The following KLHL28 variants were observed in gnomAD, a reference collection of about 807,000 sequenced individuals.
KLHL28 encodes kelch like family member 28.
A neutral mutation model predicts 48.3 loss-of-function variants in KLHL28; 22 were observed. That is an observed-to-expected ratio of 0.46 (90% CI 0.33 to 0.65). The LOEUF (loss-of-function observed/expected upper bound fraction) is 0.65, where lower values mean the gene tolerates loss of function less well. Among genes scored for constraint, KLHL28 ranks in the 30% least tolerant of loss-of-function variants. The pLI is 0.03. For missense variants in KLHL28, 527 were observed against 704.3 expected (o/e 0.75, Z 2.85); for synonymous variants, 243 against 242.4 (o/e 1.00, Z -0.02).
At position 44,924,691 on chromosome 14, in the gene KLHL28, T is replaced by C. The variant is rs1883321679; in HGVS notation, c.*4337A>G. ...CAGCACAATTCATAAGGCAAAAATA[T>C]AGGCATTATCATCCAGTTCTTTAAC... On this transcript the variant is annotated 3_prime_UTR_variant, in exon 5 of 5. Transcript: ENST00000396128. The C allele has an allele frequency of 6.6e-6, 1 of 152,604 alleles. No individual in the cohort carries two copies. The highest frequency in any genetic ancestry group is 2.4e-5 in the African/African-American group (1 of 41,466). The allele number at this position is 152,604 out of a possible 1,614,324, so 9.5% of individuals were successfully genotyped here.
At chr14:44,960,311 G>A (rs1480757692) in intron 1 of KLHL28, among the ~76,000 whole-genome samples, 1 of 152,152 alleles carries the variant, frequency 6.6e-6, no homozygotes, top group Non-Finnish European at 1.5e-5. Flanking sequence ...GGCTTCCCAA[G>A]TTCTTGGATA....
Position 44,927,645 on chromosome 14 carries a change from G to A in KLHL28, c.*1383C>T, listed in dbSNP as rs1252118161. 2.0e-5 allele frequency: 3 copies of A among 152,540 alleles called. No individual in the cohort carries two copies. Among genetic ancestry groups the A allele is most frequent in the Non-Finnish European group, 1.5e-5 (1 of 67,990 alleles). 9.4% of individuals were successfully genotyped at this position (152,540 alleles called of 1,614,324 possible). A position where few individuals can be genotyped will look rare whatever the true frequency, so the allele number is the denominator to read the frequency against. ...TTTAAATAAGCTGTCACTGGCTACA[G>A]CAAACAATTTTGCTTTAAAAGATCA... On this transcript the variant is annotated 3_prime_UTR_variant, in exon 5 of 5. Coordinates refer to ENST00000396128, the MANE Select transcript of KLHL28 (RefSeq NM_017658.5).
In KLHL28 at chr14:44,945,272, C is replaced by G. The variant is rs765977060; in HGVS notation, c.657G>C (p.Gln219His). 1 of 1,614,150 alleles carries G rather than the reference C, an allele frequency of 6.2e-7. No individual in the cohort carries two copies. The highest frequency in any genetic ancestry group is 1.7e-5 in the Admixed American group (1 of 60,022). The change falls in exon 2 of 5, where the codon CAG becomes CAC. Residue 219 changes from glutamine to histidine, a missense_variant. Gln to His is a conservative substitution (Grantham distance 24). Coordinates refer to ENST00000396128, the MANE Select transcript of KLHL28 (RefSeq NM_017658.5). ...ATGGTAATCGTACACTGTTTAGTAA[C>G]TGTGCTAAGTATTTCTGGCGTTCTT... ...DVQERQKYLAQLLNSVRLPLL... is the reference protein window; with the variant it reads ...DVQERQKYLAHLLNSVRLPLL...
In KLHL28 at chr14:44,928,064, G is replaced by A. The variant is rs551567585; in HGVS notation, c.*964C>T. ...ATATCTCATACTGAACATCCAAAAGGACATCAGTTATAGCCTTGTTATAAA... is the reference window on the plus strand; with the variant it reads ...ATATCTCATACTGAACATCCAAAAGAACATCAGTTATAGCCTTGTTATAAA... On this transcript the variant is annotated 3_prime_UTR_variant, in exon 5 of 5. Coordinates refer to ENST00000396128, the MANE Select transcript of KLHL28 (RefSeq NM_017658.5). The A allele has an allele frequency of 6.6e-6, 1 of 152,632 alleles. No homozygotes were observed. The highest frequency in any genetic ancestry group is 2.4e-5 in the African/African-American group (1 of 41,542). 9.5% of individuals were successfully genotyped at this position (152,632 alleles called of 1,614,324 possible).
At chr14:44,930,118 G>C (rs540214072) in intron 4 of KLHL28, among the ~76,000 whole-genome samples, 1 of 152,118 alleles carries the variant, frequency 6.6e-6, no homozygotes, top group Non-Finnish European at 1.5e-5. Context: ...TTGTTTCTGT[G>C]GCTTTCCCTC....
At chr14:44,958,269 T>C (rs1333144336) in intron 1 of KLHL28, among the ~76,000 whole-genome samples, 3 of 152,096 alleles carry the variant, frequency 2.0e-5, no homozygotes, top group Non-Finnish European at 4.4e-5. Context: ...ACCTATCTAC[T>C]TAATTGACAC....
chr14:44,931,573 G>T, intron 3 of KLHL28, 32 bp from the exon 4 acceptor site: 2 of 1,532,342 alleles, frequency 1.3e-6, no homozygotes, highest in East Asian at 4.5e-5. Flanking sequence ...TTAATTTACA[G>T]ATCTTTTGTG....
Position 44,960,250 on chromosome 14 carries a change from G to A in KLHL28, c.-1+1596C>T, listed in dbSNP as rs138310983. 3.9e-3 allele frequency among the ~76,000 whole-genome samples: 593 copies of A among 152,310 alleles called. 3 individuals are homozygous for A. The highest frequency in any genetic ancestry group is 0.013 in the African/African-American group (561 of 41,558). The stretch of plus-strand genomic sequence containing the variant: ...ACGTCTCTCATTTAAGACTTTCGAA[G>A]TTCCTTTTCTGTGATTCCATGATTA... On this transcript the variant is annotated intron_variant, in intron 1 of 4. Coordinates refer to ENST00000396128, the MANE Select transcript of KLHL28 (RefSeq NM_017658.5).
rs1883438116 is a variant in KLHL28 at position 44,928,167 on chromosome 14, A to G, written c.*861T>C. 1.3e-5 allele frequency: 2 copies of G among 152,534 alleles called. No homozygotes were observed. Among genetic ancestry groups the G allele is most frequent in the South Asian group, 4.1e-4 (2 of 4,828 alleles). 9.4% of individuals were successfully genotyped at this position (152,534 alleles called of 1,614,324 possible). A position where few individuals can be genotyped will look rare whatever the true frequency, so the allele number is the denominator to read the frequency against. On this transcript the variant is annotated 3_prime_UTR_variant, in exon 5 of 5. Transcript: ENST00000396128. ...TAAAAAACTAAAATTATAAGGATATATAAAAAAATTAATATGCACTAAGAA... is the reference window on the plus strand; with the variant it reads ...TAAAAAACTAAAATTATAAGGATATGTAAAAAAATTAATATGCACTAAGAA...
intron 2 of KLHL28, among the ~76,000 whole-genome samples, chr14:44,941,085 G>A (rs1333426349): frequency 1.3e-5 from 2 of 150,724 alleles, no homozygotes; most frequent in Admixed American, 1.3e-4. Flanking sequence ...GGGCAACAAA[G>A]TGAGACACCT....
chr14:44,946,052 C>T, intron 1 of KLHL28, 124 bp from the exon 2 acceptor site: 1 of 738,846 alleles, frequency 1.4e-6, no homozygotes, highest in South Asian at 1.9e-5. Context: ...TTTTTAAATA[C>T]TTCATAGTAA....
chr14:44,953,432 T>C (rs1227243812), intron 1 of KLHL28, among the ~76,000 whole-genome samples: 1 of 152,254 alleles, frequency 6.6e-6, no homozygotes, highest in Non-Finnish European at 1.5e-5. Flanking sequence ...AAGAGGTAAC[T>C]GGCAGAGTCC....
rs1251633216 is a variant in KLHL28 at position 44,927,405 on chromosome 14, GAATAT to G, written c.*1618_*1622del. 1.3e-5 allele frequency: 2 copies of G among 152,312 alleles called. No homozygotes were observed. The highest frequency in any genetic ancestry group is 3.9e-4 in the East Asian group (2 of 5,188). The allele number at this position is 152,312 out of a possible 1,614,324, so 9.4% of individuals were successfully genotyped here. A position where few individuals can be genotyped will look rare whatever the true frequency, so the allele number is the denominator to read the frequency against. On this transcript the variant is annotated 3_prime_UTR_variant, in exon 5 of 5. Transcript: ENST00000396128. ...TAGTCTAGAACATTATGGCACTTAA[GAATAT>G]AATATGAATTTTTTTCTTAAGAAAA...
intron 2 of KLHL28, among the ~76,000 whole-genome samples, chr14:44,935,432 A>G (rs1883767034): frequency 6.6e-6 from 1 of 152,162 alleles, no homozygotes; most frequent in Non-Finnish European, 1.5e-5. Flanking sequence ...GCATGTGTGT[A>G]ACACTTTAAT....
intron 2 of KLHL28, among the ~76,000 whole-genome samples, chr14:44,935,356 C>G (rs1468663545): frequency 6.6e-6 from 1 of 152,154 alleles, no homozygotes; most frequent in East Asian, 1.9e-4. Flanking sequence ...GTTTCTTGAA[C>G]TGGTTTGTAA....
At chr14:44,943,621 C>T (rs1205880435) in intron 2 of KLHL28, among the ~76,000 whole-genome samples, 1 of 151,598 alleles carries the variant, frequency 6.6e-6, no homozygotes, top group East Asian at 1.9e-4. Flanking sequence ...TGCACCACTG[C>T]ACTCCAGCCT....
chr14:44,927,126 G>A lies in KLHL28; in HGVS notation c.*1902C>T, dbSNP rs1836292968. On this transcript the variant is annotated 3_prime_UTR_variant, in exon 5 of 5. Coordinates refer to ENST00000396128, the MANE Select transcript of KLHL28 (RefSeq NM_017658.5). ...CTATCAATTGTTATTAGTTGCTCCT[G>A]TTGAGTTCTAAATTAGAAGAGACTA... is the stretch of plus-strand genomic sequence containing the variant. The A allele has an allele frequency of 6.6e-6, 1 of 152,534 alleles. No individual in the cohort carries two copies. The highest frequency in any genetic ancestry group is 6.5e-5 in the Admixed American group (1 of 15,268). The allele number at this position is 152,534 out of a possible 1,614,324, so 9.4% of individuals were successfully genotyped here.
chr14:44,956,608 ATAAAC>A (rs774417497), intron 1 of KLHL28, among the ~76,000 whole-genome samples: 1 of 152,264 alleles, frequency 6.6e-6, no homozygotes, highest in Non-Finnish European at 1.5e-5. Flanking sequence ...ATCTTGTAAA[ATAAAC>A]TAAATTCTTC....
intron 2 of KLHL28, among the ~76,000 whole-genome samples, chr14:44,936,411 T>C (rs758034347): frequency 3.3e-5 from 5 of 152,016 alleles, no homozygotes; most frequent in African/African-American, 4.8e-5. Flanking sequence ...TGAAATCTAG[T>C]GAATAAGTAG....
Sources: allele counts gnomAD v4.1 joint callset (sites outside exome capture counted in the v4.1 genomes callset), GRCh38; gene constraint gnomAD v4.1.1; transcripts MANE v1.5; gene names NCBI Gene and HGNC (gene_info 2026-07-23, HGNC 2026-07-21).